Variants in GUCY1A2 observed in about 807,000 individuals in gnomAD.
The protein encoded by GUCY1A2 is guanylate cyclase 1 soluble subunit alpha 2.
Under a neutral mutation model 63.5 loss-of-function variants are expected in GUCY1A2, and 27 were observed. The observed-to-expected ratio is 0.43, with a 90% CI of 0.31 to 0.59. GUCY1A2 has a LOEUF of 0.59. Ranked by LOEUF, GUCY1A2 falls within the 20% of genes least tolerant of loss-of-function variation. The pLI, the probability that GUCY1A2 is intolerant of heterozygous loss-of-function variation, is 0.11. For missense variants in GUCY1A2, 768 were observed against 913.3 expected (o/e 0.84, Z 2.05); for synonymous variants, 364 against 343.5 (o/e 1.06, Z -0.66).
intron 5 of GUCY1A2, among the ~76,000 whole-genome samples, chr11:106,787,935 T>C (rs1864594054): frequency 6.6e-6 from 1 of 152,102 alleles, no homozygotes; most frequent in Non-Finnish European, 1.5e-5. Context: ...GGTAGCTCTA[T>C]TTTTAGTTTT....
intron 4 of GUCY1A2, among the ~76,000 whole-genome samples, chr11:106,864,023 T>G (rs964455774): frequency 2.0e-5 from 3 of 151,786 alleles, no homozygotes; most frequent in Admixed American, 1.3e-4. Flanking sequence ...AAGGAGATTT[T>G]GGGCATCTTT....
At chr11:106,817,140 AAT>A (rs1434948138) in intron 4 of GUCY1A2, among the ~76,000 whole-genome samples, 1 of 152,100 alleles carries the variant, frequency 6.6e-6, no homozygotes, top group Non-Finnish European at 1.5e-5. Context: ...ATGACGAAAT[AAT>A]TCATTTGTCC....
chr11:107,005,639 T>A (rs1861661572), intron 1 of GUCY1A2, among the ~76,000 whole-genome samples: 1 of 152,182 alleles, frequency 6.6e-6, no homozygotes, highest in African/African-American at 2.4e-5. Context: ...TTAAAGTATA[T>A]GGAATATATG....
At chr11:106,828,073 G>A (rs1858998993) in intron 4 of GUCY1A2, among the ~76,000 whole-genome samples, 1 of 152,096 alleles carries the variant, frequency 6.6e-6, no homozygotes, top group South Asian at 2.1e-4. Flanking sequence ...TTGTTGAGTT[G>A]TTTGAGTACC....
At chr11:106,769,547 T>G (rs929942863) in intron 6 of GUCY1A2, among the ~76,000 whole-genome samples, 1 of 152,172 alleles carries the variant, frequency 6.6e-6, no homozygotes, top group Admixed American at 6.5e-5. Context: ...TTTAAATAAA[T>G]ACTTTTTAAA....
chr11:106,929,259 T>C (rs999476367), intron 4 of GUCY1A2, among the ~76,000 whole-genome samples: 9 of 152,206 alleles, frequency 5.9e-5, no homozygotes, highest in Non-Finnish European at 1.2e-4. Flanking sequence ...AGGCAGCTTT[T>C]ATTATTCATC....
intron 1 of GUCY1A2, among the ~76,000 whole-genome samples, chr11:107,013,791 A>T (rs79367656): frequency 0.042 from 6,324 of 152,288 alleles, 168 homozygotes; most frequent in East Asian, 0.091. Flanking sequence ...TGAATGACAA[A>T]TAAAACTTCC....
intron 4 of GUCY1A2, among the ~76,000 whole-genome samples, chr11:106,878,829 AT>A (rs927336494): frequency 8.7e-4 from 131 of 151,248 alleles, no homozygotes; most frequent in Admixed American, 1.1e-3. Context: ...AAGCAAATGG[AT>A]TTTTCCCTGG....
In GUCY1A2 at chr11:106,674,848, A is replaced by G. The variant is rs1353535177; in HGVS notation, c.*12701T>C. On this transcript the variant is annotated 3_prime_UTR_variant, in exon 8 of 8. Coordinates refer to ENST00000526355, the MANE Select transcript of GUCY1A2 (RefSeq NM_000855.3). Reference sequence around the variant, plus strand: ...GTTAAATGAAAACCACCCCATGCAGAGGATGCTAATGAAGGCCGAGCACAT... The same window carrying G: ...GTTAAATGAAAACCACCCCATGCAGGGGATGCTAATGAAGGCCGAGCACAT... 9.2e-6 allele frequency: 2 copies of G among 217,912 alleles called. No homozygotes were observed. The highest frequency in any genetic ancestry group is 1.2e-4 in the Admixed American group (2 of 17,244). The allele number at this position is 217,912 out of a possible 1,614,324, so 13.5% of individuals were successfully genotyped here. A position where few individuals can be genotyped will look rare whatever the true frequency, so the allele number is the denominator to read the frequency against.
At chr11:106,774,552 G>T (rs1188609028) in intron 6 of GUCY1A2, among the ~76,000 whole-genome samples, 1 of 147,152 alleles carries the variant, frequency 6.8e-6, no homozygotes, top group African/African-American at 2.7e-5. Flanking sequence ...TACTGTGTCT[G>T]GGTGCTGATT....
At chr11:106,742,655 G>A (rs1863715112) in intron 6 of GUCY1A2, among the ~76,000 whole-genome samples, 2 of 152,154 alleles carry the variant, frequency 1.3e-5, no homozygotes, top group Admixed American at 1.3e-4. Flanking sequence ...GAACATGTGT[G>A]CATGTATCTT....
At chr11:107,017,644 G>A in intron 1 of GUCY1A2, 109 bp downstream of exon 1, 1 of 531,538 alleles carries the variant, frequency 1.9e-6, no homozygotes, top group Non-Finnish European at 2.9e-6. Flanking sequence ...AGGCCGGGCC[G>A]CCCCCCAGCG....
chr11:106,806,791 C>T (rs1304585490), intron 5 of GUCY1A2, among the ~76,000 whole-genome samples: 4 of 152,170 alleles, frequency 2.6e-5, no homozygotes, highest in African/African-American at 9.6e-5. Flanking sequence ...ATATGCACAG[C>T]AAAATCCACA....
Position 106,675,536 on chromosome 11 carries a change from GA to G in GUCY1A2, c.*12012del. ...TTAGTAGAAGGCAATAAAATAGAGG[GA>G]AAAATGGGACTGTGGATTACAACTG... On this transcript the variant is annotated 3_prime_UTR_variant, in exon 8 of 8. Coordinates refer to ENST00000526355, the MANE Select transcript of GUCY1A2 (RefSeq NM_000855.3). 1 of 194,954 alleles carries G rather than the reference GA, an allele frequency of 5.1e-6. No homozygotes were observed. Among genetic ancestry groups the G allele is most frequent in the Admixed American group, 6.1e-5 (1 of 16,350 alleles). 12.1% of individuals were successfully genotyped at this position (194,954 alleles called of 1,614,324 possible). A position where few individuals can be genotyped will look rare whatever the true frequency, so the allele number is the denominator to read the frequency against.
intron 3 of GUCY1A2, among the ~76,000 whole-genome samples, chr11:106,976,962 C>T (rs1469241985): frequency 2.6e-5 from 4 of 151,972 alleles, no homozygotes; most frequent in African/African-American, 4.8e-5. Flanking sequence ...GGTTTCTCTC[C>T]GTGGGAATTG....
intron 4 of GUCY1A2, among the ~76,000 whole-genome samples, chr11:106,851,658 G>A (rs1177267157): frequency 6.6e-6 from 1 of 151,862 alleles, no homozygotes; most frequent in Admixed American, 6.6e-5. Context: ...TCAGTTGGCT[G>A]TAAATATGTG....
At chr11:106,895,337 T>C (rs771824254) in intron 4 of GUCY1A2, among the ~76,000 whole-genome samples, 1 of 152,230 alleles carries the variant, frequency 6.6e-6, no homozygotes, top group Non-Finnish European at 1.5e-5. Flanking sequence ...GCCATTTTTC[T>C]AAATCTTTCC....
chr11:107,012,829 A>G (rs1336880304), intron 1 of GUCY1A2, among the ~76,000 whole-genome samples: 2 of 152,194 alleles, frequency 1.3e-5, no homozygotes, highest in Non-Finnish European at 2.9e-5. Context: ...TTAAGCCCCA[A>G]ATTTAAAAAG....
At chr11:106,873,187 G>A (rs908518810) in intron 4 of GUCY1A2, among the ~76,000 whole-genome samples, 1 of 152,126 alleles carries the variant, frequency 6.6e-6, no homozygotes, top group Non-Finnish European at 1.5e-5. Context: ...CATTTGGGAT[G>A]GTTCCATGAT....
Sources: allele counts gnomAD v4.1 joint callset (sites outside exome capture counted in the v4.1 genomes callset), GRCh38; gene constraint gnomAD v4.1.1; transcripts MANE v1.5; gene names NCBI Gene and HGNC (gene_info 2026-07-23, HGNC 2026-07-21).